ZRANB3: variants seen among roughly 807,000 people sequenced by gnomAD.
ZRANB3 encodes the protein zinc finger RANBP2-type containing 3.
A neutral mutation model predicts 133.8 loss-of-function variants in ZRANB3; 125 were observed. That is an observed-to-expected ratio of 0.93 (90% confidence interval 0.81 to 1.08). The LOEUF (loss-of-function observed/expected upper bound fraction) is 1.08. Ranked by LOEUF, ZRANB3 falls within the 50% of genes least tolerant of loss-of-function variation. The probability of loss-of-function intolerance (pLI) is 0.00; values close to 1 mark genes in which losing one functional copy is unlikely to be tolerated. For missense variants in ZRANB3, 1,229 were observed against 1,275.5 expected, an observed-to-expected ratio of 0.96 and a Z score of 0.56; for synonymous variants, 387 against 432.7, an observed-to-expected ratio of 0.89 and a Z score of 1.31.
At chr2:135,245,665 G>A (rs371412686) in intron 12 of ZRANB3, among the ~76,000 whole-genome samples, 1 of 151,418 alleles carries the variant, frequency 6.6e-6, no homozygotes, top group East Asian at 2.0e-4. Context: ...TGTGGCTCAC[G>A]CCTGTAATCC....
chr2:135,393,739 A>C (rs529554281), intron 2 of ZRANB3, among the ~76,000 whole-genome samples: 25 of 152,236 alleles, frequency 1.6e-4, no homozygotes, highest in Non-Finnish European at 3.2e-4. Flanking sequence ...GTGTCCAGAA[A>C]GAAAGAACAA....
chr2:135,339,946 ACAAT>A (rs1403979869), intron 6 of ZRANB3, among the ~76,000 whole-genome samples: 1 of 152,126 alleles, frequency 6.6e-6, no homozygotes, highest in Non-Finnish European at 1.5e-5. Context: ...AAATTCTTAC[ACAAT>A]CAAATATATT....
At chr2:135,311,637 C>T (rs1162743580) in intron 8 of ZRANB3, among the ~76,000 whole-genome samples, 3 of 151,864 alleles carry the variant, frequency 2.0e-5, no homozygotes, top group African/African-American at 2.4e-5. Flanking sequence ...ATAACCCCAG[C>T]GCTTTGGGAG....
At chr2:135,511,969 G>A (rs1693483386) in intron 1 of ZRANB3, 1 of 720,326 alleles carries the variant, frequency 1.4e-6, no homozygotes, top group African/African-American at 1.7e-5. Context: ...AAACTGAGGG[G>A]AAAAAGTCAA....
At chr2:135,466,578 A>G (rs1691011002) in intron 2 of ZRANB3, among the ~76,000 whole-genome samples, 1 of 152,002 alleles carries the variant, frequency 6.6e-6, no homozygotes, top group Non-Finnish European at 1.5e-5. Flanking sequence ...GGAATCTTGG[A>G]TTAATCACTC....
intron 6 of ZRANB3, among the ~76,000 whole-genome samples, chr2:135,331,936 C>T (rs1228245342): frequency 1.3e-5 from 2 of 151,580 alleles, no homozygotes; most frequent in Admixed American, 1.3e-4. Context: ...AATAACTTTC[C>T]AAAATGAAAT....
At chr2:135,378,613 C>T (rs1403923557) in intron 3 of ZRANB3, among the ~76,000 whole-genome samples, 3 of 152,130 alleles carry the variant, frequency 2.0e-5, no homozygotes, top group Admixed American at 6.5e-5. Flanking sequence ...AGTAACTATA[C>T]AGTAACAAAA....
intron 2 of ZRANB3, among the ~76,000 whole-genome samples, chr2:135,458,015 G>A (rs1231186667): frequency 1.3e-5 from 2 of 152,032 alleles, no homozygotes; most frequent in African/African-American, 4.8e-5. Context: ...TTACACTTAG[G>A]TTTTCTTTCA....
Position 135,330,245 on chromosome 2 carries a change from G to C in ZRANB3, c.678-14715C>G, listed in dbSNP as rs148637837. Reference sequence around the variant, plus strand: ...ATGCATTCCATCAATACCTAGTTTAGTTACAGTTTTTGGCATGAAGGGCTG... The same window carrying C: ...ATGCATTCCATCAATACCTAGTTTACTTACAGTTTTTGGCATGAAGGGCTG... On this transcript the variant is annotated intron_variant, in intron 6 of 20. Coordinates refer to ENST00000264159, the MANE Select transcript of ZRANB3 (RefSeq NM_032143.4). Among the ~76,000 whole-genome samples the C allele has an allele frequency of 3.0e-3, 451 of 152,050 alleles. 3 individuals are homozygous for C. Among genetic ancestry groups the C allele is most frequent in the African/African-American group, 0.01 (421 of 41,512 alleles).
chr2:135,488,552 A>G (rs1449100959), intron 2 of ZRANB3, among the ~76,000 whole-genome samples: 1 of 151,782 alleles, frequency 6.6e-6, no homozygotes. Context: ...AGCATACTAT[A>G]TTTGAATATA....
chr2:135,227,275 C>T lies in ZRANB3; in HGVS notation c.2158+537G>A, dbSNP rs1015037825. ...AGCTATAAATAATGAATGGAATCAA[C>T]CAAAAAGTAAACAAACCCAAAACAC... On this transcript the variant is annotated intron_variant, in intron 14 of 20. Coordinates refer to ENST00000264159, the MANE Select transcript of ZRANB3 (RefSeq NM_032143.4). 2.6e-4 allele frequency among the ~76,000 whole-genome samples: 40 copies of T among 152,214 alleles called. 1 individual carries two copies. Among genetic ancestry groups the T allele is most frequent in the Middle Eastern group, 3.4e-3 (1 of 292 alleles).
chr2:135,318,849 G>C (rs2104831223), intron 6 of ZRANB3, among the ~76,000 whole-genome samples: 1 of 152,290 alleles, frequency 6.6e-6, no homozygotes, highest in Admixed American at 6.5e-5. Context: ...CAAAGTGTGG[G>C]GATGGGTAGA....
At chr2:135,298,760 TTG>T (rs1207817721) in intron 8 of ZRANB3, among the ~76,000 whole-genome samples, 1 of 152,114 alleles carries the variant, frequency 6.6e-6, no homozygotes, top group Non-Finnish European at 1.5e-5. Context: ...GGGTCCTTGG[TTG>T]TAGTTTTGTT....
chr2:135,345,577 G>A lies in ZRANB3; in HGVS notation c.650C>T (p.Ala217Val). The A allele has an allele frequency of 6.2e-7, 1 of 1,612,074 alleles. No individual in the cohort carries two copies. The highest frequency in any genetic ancestry group is 1.1e-5 in the South Asian group (1 of 90,666). The change falls in exon 6 of 21, where the codon GCA becomes GTA. Residue 217 changes from alanine (A) to valine (V), a missense_variant. By Grantham distance (64) the Ala-to-Val change is moderately conservative. Transcript: ENST00000264159. ...GATGTGTGCATTACAGTATCTTTTTGCATAGTCGGTCCATCTTCCAAATTT... is the reference window on the plus strand; with the variant it reads ...GATGTGTGCATTACAGTATCTTTTTACATAGTCGGTCCATCTTCCAAATTT... The part of the protein sequence containing the change: ...PQKFGRWTDY[A>V]KRYCNAHIRY...
intron 2 of ZRANB3, among the ~76,000 whole-genome samples, chr2:135,409,199 C>T (rs1368816575): frequency 6.6e-6 from 1 of 151,962 alleles, no homozygotes; most frequent in Non-Finnish European, 1.5e-5. Context: ...CACTTTCAAA[C>T]AACCAGGTCT....
intron 17 of ZRANB3, among the ~76,000 whole-genome samples, chr2:135,215,412 CCTGG>C (rs745858294): frequency 7.9e-5 from 12 of 152,140 alleles, no homozygotes; most frequent in Non-Finnish European, 1.6e-4. Context: ...CACCACCATG[CCTGG>C]CTAATTTATC....
In ZRANB3 at chr2:135,271,792, G is replaced by A. The variant is rs557852702; in HGVS notation, c.1182C>T (p.Ile394=). The change falls in exon 10 of 21, where the codon ATC becomes ATT. Residue 394 remains isoleucine (I), a synonymous_variant. Coordinates refer to ENST00000264159, the MANE Select transcript of ZRANB3 (RefSeq NM_032143.4). ...FQKDPDTRVA[I]LSIQAAGQGL... ...CCTGGCCAGCAGCCTGAATGCTTAGGATAGCCACGCGAGTGTCAGGATCCT... is the reference window on the plus strand; with the variant it reads ...CCTGGCCAGCAGCCTGAATGCTTAGAATAGCCACGCGAGTGTCAGGATCCT... The A allele has an allele frequency of 3.1e-6, 5 of 1,613,386 alleles. No individual in the cohort carries two copies. Among genetic ancestry groups the A allele is most frequent in the Non-Finnish European group, 8.5e-7 (1 of 1,179,740 alleles).
At chr2:135,461,709 C>CT (rs1405973664) in intron 2 of ZRANB3, among the ~76,000 whole-genome samples, 1 of 152,166 alleles carries the variant, frequency 6.6e-6, no homozygotes, top group African/African-American at 2.4e-5. Context: ...GACTAGACAG[C>CT]TCTACGTAGC....
chr2:135,404,746 C>T (rs751022978), intron 2 of ZRANB3, among the ~76,000 whole-genome samples: 89 of 152,292 alleles, frequency 5.8e-4, no homozygotes, highest in Admixed American at 1.8e-3. Context: ...AGACTAACGG[C>T]GGATCTCTCG....
Sources: allele counts gnomAD v4.1 joint callset (sites outside exome capture counted in the v4.1 genomes callset), GRCh38; gene constraint gnomAD v4.1.1; transcripts MANE v1.5; gene names NCBI Gene and HGNC (gene_info 2026-07-23, HGNC 2026-07-21).